ELOVL5: variants seen among roughly 807,000 people sequenced by gnomAD.
ELOVL5 encodes the protein very long chain fatty acid elongase 5.
In ELOVL5, 8 loss-of-function variants were observed where a neutral mutation model predicts 38.6. The ratio of observed to expected loss-of-function variants is 0.21; its 90% confidence interval spans 0.12 to 0.37. The LOEUF (loss-of-function observed/expected upper bound fraction) is 0.37. ELOVL5 is among the 10% of genes least tolerant of loss of function. The pLI is 1.00. For synonymous variants in ELOVL5, 127 were observed against 133.7 expected (o/e 0.95, Z 0.34); for missense variants, 280 against 367.8 (o/e 0.76, Z 1.95).
In ELOVL5 at chr6:53,270,692, G is replaced by A. The variant is rs201557998; in HGVS notation, c.657C>T (p.Cys219=). The change falls in exon 7 of 8, where the codon TGC becomes TGT. Residue 219 remains cysteine (C), a synonymous_variant. Transcript: ENST00000304434. ...QFVLTIIQTS[C]GVIWPCTFPL... Reference sequence around the variant, plus strand: ...GGAATGTGCACGGCCAGATGACCCCGCAGCTGGTCTGGATGATTGTCAGCA... The same window carrying A: ...GGAATGTGCACGGCCAGATGACCCCACAGCTGGTCTGGATGATTGTCAGCA... 48 of 1,614,034 alleles carry A rather than the reference G, an allele frequency of 3.0e-5. No homozygotes were observed. The highest frequency in any genetic ancestry group is 3.5e-5 in the Non-Finnish European group (41 of 1,180,012).
chr6:53,327,980 T>A (rs1477590848), intron 1 of ELOVL5, among the ~76,000 whole-genome samples: 2 of 152,134 alleles, frequency 1.3e-5, no homozygotes, highest in Admixed American at 6.5e-5. Context: ...CAGCCAATTA[T>A]CAATAGCCTC....
rs1581939092 is a variant in ELOVL5, at chr6:53,291,677, C to T, written c.246+99G>A. On this transcript the variant is annotated intron_variant, in intron 3 of 7. Coordinates refer to ENST00000304434, the MANE Select transcript of ELOVL5 (RefSeq NM_021814.5). ...ATACTTGCTTGCCCAGTTGTCTCTA[C>T]ACCCCAAGCGGCCACCTTTCCTCAT... 16 of 931,600 alleles carry T rather than the reference C, an allele frequency of 1.7e-5. No individual in the cohort carries two copies. In the East Asian group the frequency reaches 4.2e-4, roughly 25 times the overall value. The allele number at this position is 931,600 out of a possible 1,614,324, so 57.7% of individuals were successfully genotyped here.
At chr6:53,319,339 C>CCGAT (rs972703746) in intron 1 of ELOVL5, among the ~76,000 whole-genome samples, 3 of 145,788 alleles carry the variant, frequency 2.1e-5, no homozygotes, top group African/African-American at 7.6e-5. Context: ...AAGGAAATAT[C>CCGAT]CGATCTGCAT....
rs1219926248 is a variant in ELOVL5 at position 53,276,235 on chromosome 6, C to T, written c.268G>A (p.Gly90Ser). ...FCELVTGVWEGKYNFFCQGTR... is the reference protein window; with the variant it reads ...FCELVTGVWESKYNFFCQGTR... ...CCCTGACAGAAGAAGTTGTATTTGC[C>T]TTCCCATACTCCTGTTACTAACTAA... is the stretch of plus-strand genomic sequence containing the variant. Residue 90 changes from glycine (G) to serine (S), a missense_variant, in exon 4 of 8, where the codon GGC becomes AGC. Physicochemically the swap from Gly to Ser is moderately conservative, Grantham distance 56. Coordinates refer to ENST00000304434, the MANE Select transcript of ELOVL5 (RefSeq NM_021814.5). 3.1e-6 allele frequency: 5 copies of T among 1,612,564 alleles called. No individual in the cohort carries two copies. The highest frequency in any genetic ancestry group is 2.2e-5 in the East Asian group (1 of 44,890).
chr6:53,340,384 A>T (rs1214121734), intron 1 of ELOVL5, among the ~76,000 whole-genome samples: 1 of 152,154 alleles, frequency 6.6e-6, no homozygotes, highest in Non-Finnish European at 1.5e-5. Flanking sequence ...CACCACACCT[A>T]ATCAAAAAAT....
chr6:53,287,127 C>A (rs780381455), intron 3 of ELOVL5, among the ~76,000 whole-genome samples: 1 of 152,074 alleles, frequency 6.6e-6, no homozygotes, highest in Non-Finnish European at 1.5e-5. Flanking sequence ...ATGCATCCAT[C>A]CAGCTTTTTC....
At position 53,305,301 on chromosome 6, in the gene ELOVL5, C is replaced by T. The variant is rs1395566083; in HGVS notation, c.-8-9594G>A. Among the ~76,000 whole-genome samples the T allele has an allele frequency of 1.4e-3, 191 of 140,060 alleles. 3 individuals are homozygous for T. The highest frequency in any genetic ancestry group is 5.0e-3 in the African/African-American group (182 of 36,416). 91.9% of individuals were successfully genotyped at this position (140,060 alleles called of 152,430 possible). On this transcript the variant is annotated intron_variant, in intron 1 of 7. Coordinates refer to ENST00000304434, the MANE Select transcript of ELOVL5 (RefSeq NM_021814.5). The stretch of plus-strand genomic sequence containing the variant: ...CCGGGCAGAGGCGCCCCTCACCTCC[C>T]GGACAGGGCGGCTGGCCGGGCAGGG...
At chr6:53,272,341 T>A (rs1270538625) in intron 6 of ELOVL5, among the ~76,000 whole-genome samples, 1 of 152,084 alleles carries the variant, frequency 6.6e-6, no homozygotes, top group Non-Finnish European at 1.5e-5. Flanking sequence ...CTCACTATGT[T>A]CCCCAGGCTG....
At chr6:53,305,959 C>G (rs184966169) in intron 1 of ELOVL5, among the ~76,000 whole-genome samples, 2 of 151,942 alleles carry the variant, frequency 1.3e-5, no homozygotes, top group Admixed American at 6.5e-5. Flanking sequence ...CCCGGCACCT[C>G]GGGATGCCGA....
In ELOVL5 at chr6:53,275,250, G is replaced by A. The variant is rs2127567337; in HGVS notation, c.336C>T (p.Val112=). The change falls in exon 5 of 8, where the codon GTC becomes GTT. Residue 112 remains valine (V), a synonymous_variant. Transcript: ENST00000304434. ...AGESDMKIIR[V]LWWYYFSKLI... is the part of the protein sequence containing the mutation. ...GTTTGGAGAAGTAGTACCACCAGAG[G>A]ACACGGATAATCTAAGAGGAAAGGG... The A allele has an allele frequency of 6.2e-7, 1 of 1,614,104 alleles. No individual in the cohort carries two copies. The highest frequency in any genetic ancestry group is 8.5e-7 in the Non-Finnish European group (1 of 1,179,970).
chr6:53,287,970 T>C, intron 3 of ELOVL5: 1 of 1,520,032 alleles, frequency 6.6e-7, no homozygotes, highest in Non-Finnish European at 8.8e-7. Context: ...AGATCCTCTC[T>C]GCTTAGGGTC....
At position 53,270,731 on chromosome 6, in the gene ELOVL5, G is replaced by A. The variant is rs370251560; in HGVS notation, c.622-4C>T. The A allele has an allele frequency of 4.3e-6, 7 of 1,614,130 alleles. No individual in the cohort carries two copies. Among genetic ancestry groups the A allele is most frequent in the Non-Finnish European group, 8.5e-7 (1 of 1,180,006 alleles). The stretch of plus-strand genomic sequence containing the variant: ...TGATTGTCAGCACAAACTGAAGCTA[G>A]GGGAACAGAGGGGATGCAGCTGAAC... On this transcript the variant is annotated splice_polypyrimidine_tract_variant and splice_region_variant and intron_variant, in intron 6 of 7. Transcript: ENST00000304434.
At chr6:53,291,990 A>G (rs915651442) in intron 2 of ELOVL5, 27 bp from the exon 3 acceptor site, 2 of 1,374,690 alleles carry the variant, frequency 1.5e-6, no homozygotes, top group African/African-American at 3.0e-5. Flanking sequence ...AATTAATGAT[A>G]TATAAAAACA....
At chr6:53,333,141 T>C (rs1039012251) in intron 1 of ELOVL5, among the ~76,000 whole-genome samples, 5 of 152,036 alleles carry the variant, frequency 3.3e-5, no homozygotes, top group African/African-American at 1.2e-4. Flanking sequence ...TAGAGAACAG[T>C]GTTAAAGAGA....
At chr6:53,343,282 G>A (rs975416702) in intron 1 of ELOVL5, among the ~76,000 whole-genome samples, 4 of 150,300 alleles carry the variant, frequency 2.7e-5, no homozygotes, top group African/African-American at 4.9e-5. Context: ...GTGTAATCAC[G>A]GCTCACTGTA....
chr6:53,311,804 G>C (rs142119519), intron 1 of ELOVL5, among the ~76,000 whole-genome samples: 97 of 152,260 alleles, frequency 6.4e-4, no homozygotes, highest in African/African-American at 2.2e-3. Flanking sequence ...GCCAGGGGCT[G>C]GGGAAACGAA....
chr6:53,340,481 C>T (rs1321897050), intron 1 of ELOVL5, among the ~76,000 whole-genome samples: 2 of 152,176 alleles, frequency 1.3e-5, no homozygotes, highest in Non-Finnish European at 2.9e-5. Flanking sequence ...CACATTCACT[C>T]CCCACTCACT....
intron 6 of ELOVL5, 23 bp from the exon 7 acceptor site, chr6:53,270,750 G>A (rs759926731): frequency 1.7e-5 from 28 of 1,613,798 alleles, no homozygotes; most frequent in Middle Eastern, 1.6e-4. Context: ...AGGGGATGCA[G>A]CTGAACAGGG....
intron 1 of ELOVL5, among the ~76,000 whole-genome samples, chr6:53,342,339 G>A (rs1250645280): frequency 6.6e-6 from 1 of 152,218 alleles, no homozygotes; most frequent in East Asian, 1.9e-4. Context: ...ATTCTTCAGG[G>A]AAGGAGAAAT....
Sources: gnomAD v4.1 joint callset for allele counts (sites outside exome capture counted in the v4.1 genomes callset) on GRCh38, gnomAD v4.1.1 for gene constraint, MANE v1.5 for transcripts, NCBI Gene and HGNC (gene_info 2026-07-23, HGNC 2026-07-21) for gene names.